CNTN5: variants seen among roughly 807,000 people sequenced by gnomAD.
CNTN5 encodes the protein contactin-5.
In CNTN5, 77 loss-of-function variants were observed where a neutral mutation model predicts 129.1. The ratio of observed to expected loss-of-function variants is 0.60; its 90% CI spans 0.50 to 0.72. The LOEUF (loss-of-function observed/expected upper bound fraction) is 0.72, where lower values mean the gene tolerates loss of function less well. Among genes scored for constraint, CNTN5 ranks in the 30% least tolerant of loss-of-function variants. The pLI, the probability that CNTN5 is intolerant of heterozygous loss-of-function variation, is 0.00. For missense variants in CNTN5, 1,478 were observed against 1,328.8 expected (o/e 1.11, Z -1.75); for synonymous variants, 509 against 465.6 (o/e 1.09, Z -1.20).
chr11:99,669,875 T>A (rs1008452248), intron 3 of CNTN5, among the ~76,000 whole-genome samples: 1 of 152,174 alleles, frequency 6.6e-6, no homozygotes, highest in African/African-American at 2.4e-5. Flanking sequence ...AATGCATCTA[T>A]CATAAGCAAT....
intron 6 of CNTN5, among the ~76,000 whole-genome samples, chr11:99,904,454 C>T (rs573287744): frequency 6.6e-6 from 1 of 152,194 alleles, no homozygotes; most frequent in South Asian, 2.1e-4. Context: ...ATCCATGTCC[C>T]TGCAAAGGAC....
chr11:99,810,598 C>A (rs113811124), intron 3 of CNTN5, among the ~76,000 whole-genome samples: 61 of 152,046 alleles, frequency 4.0e-4, no homozygotes, highest in African/African-American at 1.4e-3. Context: ...CTCTCATATG[C>A]CATAGATGCA....
intron 3 of CNTN5, among the ~76,000 whole-genome samples, chr11:99,727,009 T>C (rs977230560): frequency 2.6e-5 from 4 of 152,110 alleles, no homozygotes; most frequent in Admixed American, 2.0e-4. Flanking sequence ...TAAATCTCTA[T>C]AAAATTCCAG....
chr11:99,394,386 A>C (rs1941414302), intron 2 of CNTN5, among the ~76,000 whole-genome samples: 1 of 151,662 alleles, frequency 6.6e-6, no homozygotes, highest in Admixed American at 6.6e-5. Flanking sequence ...AACTCACATT[A>C]AAATTTTCAC....
chr11:99,392,635 T>C (rs1385734808), intron 2 of CNTN5, among the ~76,000 whole-genome samples: 2 of 151,900 alleles, frequency 1.3e-5, no homozygotes, highest in Non-Finnish European at 2.9e-5. Flanking sequence ...ACATTTCAAA[T>C]GATGACAGTG....
At chr11:99,222,925 G>A (rs1056540551) in intron 1 of CNTN5, among the ~76,000 whole-genome samples, 3 of 152,140 alleles carry the variant, frequency 2.0e-5, no homozygotes, top group African/African-American at 7.2e-5. Context: ...ACACAAAAAT[G>A]ATTCTATTCC....
intron 13 of CNTN5, among the ~76,000 whole-genome samples, chr11:100,086,954 A>G (rs1266398679): frequency 1.3e-5 from 2 of 151,700 alleles, no homozygotes; most frequent in Non-Finnish European, 3.0e-5. Context: ...CTGAGCTTCT[A>G]TCTTAAGAAA....
intron 1 of CNTN5, among the ~76,000 whole-genome samples, chr11:99,269,723 A>G (rs898636912): frequency 2.7e-5 from 4 of 147,514 alleles, no homozygotes; most frequent in Non-Finnish European, 5.9e-5. Flanking sequence ...GATAATTGAA[A>G]ATATTTCAGA....
intron 3 of CNTN5, among the ~76,000 whole-genome samples, chr11:99,716,655 C>T (rs777549502): frequency 6.6e-6 from 1 of 151,978 alleles, no homozygotes; most frequent in African/African-American, 2.4e-5. Flanking sequence ...AATCTCTTAC[C>T]CTCAGCATCC....
intron 13 of CNTN5, among the ~76,000 whole-genome samples, chr11:100,087,133 A>C (rs926867805): frequency 6.6e-6 from 1 of 151,766 alleles, no homozygotes; most frequent in Non-Finnish European, 1.5e-5. Flanking sequence ...AAATCAAGAA[A>C]AGAGCTACAA....
At chr11:99,841,950 G>C (rs1363851138) in intron 4 of CNTN5, among the ~76,000 whole-genome samples, 1 of 150,690 alleles carries the variant, frequency 6.6e-6, no homozygotes, top group African/African-American at 2.4e-5. Flanking sequence ...GCAGTGGAGC[G>C]ATCTCAGCTC....
chr11:100,353,202 G>A (rs143004022), intron 24 of CNTN5, among the ~76,000 whole-genome samples: 159 of 151,472 alleles, frequency 1.0e-3, no homozygotes, highest in African/African-American at 3.7e-3. Flanking sequence ...ATAAAATTTG[G>A]GCAGTGCAAC....
intron 3 of CNTN5, among the ~76,000 whole-genome samples, chr11:99,563,660 G>A (rs147389913): frequency 7.9e-5 from 12 of 152,220 alleles, no homozygotes; most frequent in South Asian, 4.1e-4. Context: ...TACCCATGAC[G>A]CACTTGATGG....
intron 3 of CNTN5, among the ~76,000 whole-genome samples, chr11:99,776,048 T>A (rs1945112279): frequency 6.6e-6 from 1 of 152,074 alleles, no homozygotes; most frequent in Admixed American, 6.6e-5. Flanking sequence ...TAGGTAAAAT[T>A]TATTTCTGCC....
At chr11:99,023,912 T>C (rs1862996807) in intron 1 of CNTN5, among the ~76,000 whole-genome samples, 1 of 152,112 alleles carries the variant, frequency 6.6e-6, no homozygotes, top group Admixed American at 6.6e-5. Context: ...TTTCTGACAA[T>C]CCAAGCATAA....
At chr11:99,797,291 T>C (rs1283095450) in intron 3 of CNTN5, among the ~76,000 whole-genome samples, 4 of 152,180 alleles carry the variant, frequency 2.6e-5, no homozygotes, top group Admixed American at 2.0e-4. Context: ...ATAGGTGGAA[T>C]GGTAGTTCTG....
At chr11:100,149,324 A>T (rs1279200420) in intron 13 of CNTN5, among the ~76,000 whole-genome samples, 1 of 152,196 alleles carries the variant, frequency 6.6e-6, no homozygotes, top group African/African-American at 2.4e-5. Context: ...GTTTTAAAAC[A>T]ATGCAGTAAA....
At chr11:99,831,765 AT>A (rs968355633) in intron 4 of CNTN5, among the ~76,000 whole-genome samples, 4 of 152,174 alleles carry the variant, frequency 2.6e-5, no homozygotes, top group African/African-American at 9.6e-5. Context: ...GTTGCATAGA[AT>A]AAGAGAATAT....
Position 100,340,520 on chromosome 11 carries a change from G to C in CNTN5, c.2788G>C (p.Gly930Arg). ...EDTAETVKTR[G>R]NESFVILTGL... ...TACAGCAGAAACAGTCAAAACTAGA[G>C]GGAATGAGTCTTTCGTCATCCTAAC... The change falls in exon 22 of 25, where the codon GGG becomes CGG. Residue 930 changes from glycine (G) to arginine (R), a missense_variant. By Grantham distance (125) the Gly-to-Arg change is moderately radical. Transcript: ENST00000524871. 1.2e-6 allele frequency: 2 copies of C among 1,613,198 alleles called. No individual in the cohort carries two copies. The highest frequency in any genetic ancestry group is 1.7e-6 in the Non-Finnish European group (2 of 1,179,482).
Sources: gnomAD v4.1 joint callset for allele counts (sites outside exome capture counted in the v4.1 genomes callset) on GRCh38, gnomAD v4.1.1 for gene constraint, MANE v1.5 for transcripts, NCBI Gene and HGNC (gene_info 2026-07-23, HGNC 2026-07-21) for gene names.